The following FIP1L1 variants were observed in gnomAD, a reference collection of about 807,000 sequenced individuals.
FIP1L1 encodes the protein factor interacting with PAPOLA and CPSF1.
A neutral mutation model predicts 84.6 loss-of-function variants in FIP1L1; 21 were observed. The ratio of observed to expected loss-of-function variants is 0.25; its 90% CI spans 0.18 to 0.36. The LOEUF is 0.36. Ranked by LOEUF, FIP1L1 falls within the 10% of genes least tolerant of loss-of-function variation. The pLI is 1.00. For synonymous variants in FIP1L1, 263 were observed against 242.3 expected, an observed-to-expected ratio of 1.09 and a Z score of -0.80; for missense variants, 526 against 751.1, an observed-to-expected ratio of 0.70 and a Z score of 3.50.
intron 13 of FIP1L1, among the ~76,000 whole-genome samples, chr4:53,430,786 A>G (rs1377611705): frequency 6.6e-6 from 1 of 152,252 alleles, no homozygotes. Context: ...CATGCTTTCC[A>G]TATTTTAAAA....
intron 16 of FIP1L1, among the ~76,000 whole-genome samples, chr4:53,458,006 G>A (rs1172251593): frequency 6.6e-6 from 1 of 152,020 alleles, no homozygotes; most frequent in Non-Finnish European, 1.5e-5. Context: ...TAGCCATGTA[G>A]CCCCCCTGCC....
chr4:53,400,602 C>A (rs1749706888), intron 10 of FIP1L1, among the ~76,000 whole-genome samples: 1 of 152,076 alleles, frequency 6.6e-6, no homozygotes, highest in African/African-American at 2.4e-5. Flanking sequence ...ATATAGTTTT[C>A]TGTTTTTGTT....
At chr4:53,448,846 T>A (rs1775265601) in intron 15 of FIP1L1, among the ~76,000 whole-genome samples, 1 of 152,136 alleles carries the variant, frequency 6.6e-6, no homozygotes, top group African/African-American at 2.4e-5. Context: ...TCCATACACT[T>A]CTTGAATGTC....
chr4:53,426,072 A>T, intron 12 of FIP1L1, 107 bp downstream of exon 12: 1 of 584,004 alleles, frequency 1.7e-6, no homozygotes, highest in Non-Finnish European at 2.8e-6. Flanking sequence ...GTTTTAGGTG[A>T]TACAAAGAGA....
intron 17 of FIP1L1, 74 bp downstream of exon 17, chr4:53,458,864 A>T: frequency 6.6e-7 from 1 of 1,514,950 alleles, no homozygotes; most frequent in Non-Finnish European, 8.9e-7. Flanking sequence ...GCATTGGAAG[A>T]GGGGAAATTT....
intron 16 of FIP1L1, among the ~76,000 whole-genome samples, chr4:53,455,543 AGTGGATCG>A (rs1718446049): frequency 1.3e-5 from 2 of 152,116 alleles, no homozygotes; most frequent in African/African-American, 4.8e-5. Context: ...TGACCTGAAC[AGTGGATCG>A]GTCAAGAACA....
intron 11 of FIP1L1, among the ~76,000 whole-genome samples, chr4:53,416,376 C>T (rs1759504859): frequency 6.6e-6 from 1 of 152,210 alleles, no homozygotes; most frequent in South Asian, 2.1e-4. Context: ...TTGTCAGTAA[C>T]TACCTGTGTG....
chr4:53,435,663 G>A (rs1474515855), intron 13 of FIP1L1, among the ~76,000 whole-genome samples: 1 of 152,022 alleles, frequency 6.6e-6, no homozygotes, highest in African/African-American at 2.4e-5. Flanking sequence ...TGGTTACTTT[G>A]TTGTGTGACC....
intron 12 of FIP1L1, among the ~76,000 whole-genome samples, chr4:53,426,280 A>G (rs772985090): frequency 6.6e-6 from 1 of 152,156 alleles, no homozygotes; most frequent in African/African-American, 2.4e-5. Context: ...GTTCATACGT[A>G]TGTAATCTTA....
At chr4:53,412,600 T>G (rs1429693185) in intron 10 of FIP1L1, among the ~76,000 whole-genome samples, 2 of 152,222 alleles carry the variant, frequency 1.3e-5, no homozygotes, top group Non-Finnish European at 2.9e-5. Context: ...TTTTGCTTTT[T>G]GGGCAGGAAT....
chr4:53,411,330 C>T (rs28460231), intron 10 of FIP1L1, among the ~76,000 whole-genome samples: 19,787 of 152,196 alleles, frequency 0.13, 2,573 homozygotes, highest in African/African-American at 0.32. Context: ...ATAATTACCA[C>T]TGCTACCTAT....
chr4:53,397,634 A>G (rs867385768), intron 9 of FIP1L1, among the ~76,000 whole-genome samples: 1 of 152,242 alleles, frequency 6.6e-6, no homozygotes, highest in African/African-American at 2.4e-5. Context: ...AAACCAAACA[A>G]TCTGTAAATA....
chr4:53,391,424 A>G lies in FIP1L1; in HGVS notation c.637-6A>G. 1.2e-6 allele frequency: 2 copies of G among 1,610,790 alleles called. No homozygotes were observed. The highest frequency in any genetic ancestry group is 1.7e-6 in the Non-Finnish European group (2 of 1,177,146). ...ATCTTAATGGGGAATATGTTATTTA[A>G]CTTAGGCCGAAGACTGTACTATGGA... On this transcript the variant is annotated splice_region_variant and splice_polypyrimidine_tract_variant and intron_variant, in intron 8 of 17. Coordinates refer to ENST00000337488, the MANE Select transcript of FIP1L1 (RefSeq NM_030917.4).
intron 12 of FIP1L1, 50 bp downstream of exon 12, chr4:53,426,015 A>ATTCAGTTT: frequency 7.9e-7 from 1 of 1,268,708 alleles, no homozygotes; most frequent in Admixed American, 1.8e-5. Flanking sequence ...GATGATATCA[A>ATTCAGTTT]CATTATAATT....
chr4:53,415,724 T>G (rs1759206840), intron 11 of FIP1L1, among the ~76,000 whole-genome samples: 1 of 152,160 alleles, frequency 6.6e-6, no homozygotes, highest in Non-Finnish European at 1.5e-5. Context: ...TTATGTTTCA[T>G]TTTCTATACA....
chr4:53,405,036 G>T (rs1052936939), intron 10 of FIP1L1, among the ~76,000 whole-genome samples: 5 of 152,104 alleles, frequency 3.3e-5, no homozygotes, highest in South Asian at 4.1e-4. Context: ...GTCAGTTTTG[G>T]CTTTTGTTGC....
intron 1 of FIP1L1, 162 bp from the exon 2 acceptor site, chr4:53,378,911 G>A: frequency 1.4e-6 from 1 of 717,086 alleles, no homozygotes; most frequent in South Asian, 2.0e-5. Context: ...ACTACTCTTT[G>A]AAATGTGAAT....
chr4:53,405,366 A>G lies in FIP1L1; in HGVS notation c.815+5527A>G, dbSNP rs1354702210. ...GGGCTCTGTTCTGTTCCAATGGTCT[A>G]TATCTCTGTTTTGGTACCAGTACCA... On this transcript the variant is annotated intron_variant, in intron 10 of 17. Coordinates refer to ENST00000337488, the MANE Select transcript of FIP1L1 (RefSeq NM_030917.4). 3.3e-5 allele frequency among the ~76,000 whole-genome samples: 5 copies of G among 152,242 alleles called. No homozygotes were observed. In the East Asian group the frequency reaches 5.8e-4, roughly 18 times the overall value.
At chr4:53,393,942 C>CT (rs1745878530) in intron 9 of FIP1L1, among the ~76,000 whole-genome samples, 1 of 151,906 alleles carries the variant, frequency 6.6e-6, no homozygotes, top group African/African-American at 2.4e-5. Context: ...TCTCTGCTTT[C>CT]TTTTCTATTC....
Sources: gnomAD v4.1 joint callset for allele counts (sites outside exome capture counted in the v4.1 genomes callset) on GRCh38, gnomAD v4.1.1 for gene constraint, MANE v1.5 for transcripts, NCBI Gene and HGNC (gene_info 2026-07-23, HGNC 2026-07-21) for gene names.